The following ARHGAP15 variants were observed in gnomAD, a reference collection of about 807,000 sequenced individuals.
The protein encoded by ARHGAP15 is rho GTPase-activating protein 15.
In ARHGAP15, 51 loss-of-function variants were observed where a neutral mutation model predicts 63.7. The observed-to-expected ratio is 0.80, with a 90% confidence interval of 0.64 to 1.01. The LOEUF is 1.01. Ranked by LOEUF, ARHGAP15 falls within the 50% of genes least tolerant of loss-of-function variation. The pLI, the probability that ARHGAP15 is intolerant of heterozygous loss-of-function variation, is 0.00. For missense variants in ARHGAP15, 560 were observed against 564.6 expected (o/e 0.99, Z 0.08); for synonymous variants, 191 against 193.8 (o/e 0.99, Z 0.12).
chr2:143,396,463 T>TC (rs1019521288), intron 6 of ARHGAP15, among the ~76,000 whole-genome samples: 1 of 151,900 alleles, frequency 6.6e-6, no homozygotes, highest in African/African-American at 2.4e-5. Context: ...AAGCAATGAG[T>TC]CCCCCAGTCA....
chr2:143,675,908 A>C (rs959058141), intron 12 of ARHGAP15, among the ~76,000 whole-genome samples: 4 of 152,236 alleles, frequency 2.6e-5, no homozygotes, highest in African/African-American at 9.6e-5. Flanking sequence ...TCTCTTGTCT[A>C]GCTATGAGAG....
At chr2:143,174,208 A>G (rs747428492) in intron 2 of ARHGAP15, among the ~76,000 whole-genome samples, 10 of 152,116 alleles carry the variant, frequency 6.6e-5, no homozygotes, top group Non-Finnish European at 1.2e-4. Context: ...TACAGTTACA[A>G]TTATTAAAGC....
At chr2:143,602,571 GT>G (rs1697817178) in intron 11 of ARHGAP15, among the ~76,000 whole-genome samples, 1 of 152,012 alleles carries the variant, frequency 6.6e-6, no homozygotes, top group South Asian at 2.1e-4. Flanking sequence ...ACTGGGAAGA[GT>G]AGAGATTCCA....
chr2:143,576,163 A>C lies in ARHGAP15; in HGVS notation c.1003+19678A>C, dbSNP rs557193493. Among the ~76,000 whole-genome samples, 3 of 152,260 alleles carry C rather than the reference A, an allele frequency of 2.0e-5. No individual in the cohort carries two copies. The South Asian group carries it at 6.2e-4, about 32-fold the overall frequency. ...TTTAAAATACTCATGGACTAACCTG[A>C]TTTGACAGCAGTGTAGGTGGATGCT... On this transcript the variant is annotated intron_variant, in intron 11 of 13. Coordinates refer to ENST00000295095, the MANE Select transcript of ARHGAP15 (RefSeq NM_018460.4).
At chr2:143,659,593 G>A (rs4146024) in intron 12 of ARHGAP15, among the ~76,000 whole-genome samples, 10,877 of 152,078 alleles carry the variant, frequency 0.072, 727 homozygotes, top group East Asian at 0.32. Flanking sequence ...CCACAGTCAC[G>A]GGTGAGAAAG....
At chr2:143,400,773 G>A (rs1282815553) in intron 6 of ARHGAP15, among the ~76,000 whole-genome samples, 1 of 152,012 alleles carries the variant, frequency 6.6e-6, no homozygotes, top group Non-Finnish European at 1.5e-5. Flanking sequence ...ACATATAGTA[G>A]AGAAAATTGC....
intron 6 of ARHGAP15, among the ~76,000 whole-genome samples, chr2:143,254,628 A>G (rs1680327401): frequency 6.6e-6 from 1 of 152,070 alleles, no homozygotes; most frequent in African/African-American, 2.4e-5. Flanking sequence ...TAAATATGTG[A>G]GAGTCTCAGA....
intron 6 of ARHGAP15, among the ~76,000 whole-genome samples, chr2:143,322,947 C>G (rs918029045): frequency 6.6e-6 from 1 of 152,194 alleles, no homozygotes; most frequent in Non-Finnish European, 1.5e-5. Flanking sequence ...AACTGGTTGT[C>G]TGTCTTAGAC....
chr2:143,305,817 A>G (rs1683141646), intron 6 of ARHGAP15, among the ~76,000 whole-genome samples: 1 of 152,128 alleles, frequency 6.6e-6, no homozygotes, highest in Admixed American at 6.6e-5. Flanking sequence ...GTTCTTCTAT[A>G]CAAATGGAAT....
intron 9 of ARHGAP15, among the ~76,000 whole-genome samples, chr2:143,501,011 T>C (rs1161225128): frequency 6.6e-6 from 1 of 152,166 alleles, no homozygotes; most frequent in Non-Finnish European, 1.5e-5. Flanking sequence ...CCTTTGAACT[T>C]GGAACTCAGA....
At chr2:143,612,920 C>T (rs1458714083) in intron 11 of ARHGAP15, among the ~76,000 whole-genome samples, 1 of 152,132 alleles carries the variant, frequency 6.6e-6, no homozygotes, top group Non-Finnish European at 1.5e-5. Context: ...TAGAATAGTG[C>T]CTGAGAAGTG....
At chr2:143,612,621 C>A (rs1322379793) in intron 11 of ARHGAP15, among the ~76,000 whole-genome samples, 1 of 152,136 alleles carries the variant, frequency 6.6e-6, no homozygotes, top group Non-Finnish European at 1.5e-5. Flanking sequence ...GCTCAGACAC[C>A]AAACCAAAAT....
intron 9 of ARHGAP15, among the ~76,000 whole-genome samples, chr2:143,508,278 G>A (rs1693413017): frequency 6.6e-6 from 1 of 152,172 alleles, no homozygotes; most frequent in Admixed American, 6.5e-5. Flanking sequence ...TATGTACATG[G>A]CTCAGTCGGT....
intron 5 of ARHGAP15, among the ~76,000 whole-genome samples, chr2:143,232,806 A>T (rs1397243314): frequency 1.3e-5 from 2 of 152,254 alleles, no homozygotes; most frequent in Non-Finnish European, 1.5e-5. Flanking sequence ...TTTTTAATTC[A>T]TATAAATGGA....
intron 1 of ARHGAP15, among the ~76,000 whole-genome samples, chr2:143,149,488 T>G (rs1272311990): frequency 6.6e-6 from 1 of 152,054 alleles, no homozygotes; most frequent in African/African-American, 2.4e-5. Flanking sequence ...AAGACTATTC[T>G]CAAAGCAAAA....
intron 10 of ARHGAP15, among the ~76,000 whole-genome samples, chr2:143,535,349 T>C (rs1004912673): frequency 6.6e-6 from 1 of 152,196 alleles, no homozygotes; most frequent in South Asian, 2.1e-4. Flanking sequence ...ACTTGTTTTC[T>C]TTTCAGTTAA....
intron 6 of ARHGAP15, among the ~76,000 whole-genome samples, chr2:143,253,148 G>A (rs1006734102): frequency 6.6e-6 from 1 of 151,562 alleles, no homozygotes; most frequent in African/African-American, 2.4e-5. Flanking sequence ...TGAGATTTTT[G>A]GTTCAAGGAA....
chr2:143,263,262 C>T (rs1680820000), intron 6 of ARHGAP15, among the ~76,000 whole-genome samples: 1 of 152,092 alleles, frequency 6.6e-6, no homozygotes, highest in Admixed American at 6.6e-5. Flanking sequence ...CATGAATCAC[C>T]CCACATTGCT....
intron 11 of ARHGAP15, among the ~76,000 whole-genome samples, chr2:143,618,699 G>A (rs1698537137): frequency 6.6e-6 from 1 of 152,154 alleles, no homozygotes; most frequent in Admixed American, 6.5e-5. Context: ...TAGTCCAAGT[G>A]CAAGCATATT....
Sources: gnomAD v4.1 joint callset for allele counts (sites outside exome capture counted in the v4.1 genomes callset) on GRCh38, gnomAD v4.1.1 for gene constraint, MANE v1.5 for transcripts, NCBI Gene and HGNC (gene_info 2026-07-23, HGNC 2026-07-21) for gene names.